The following ARHGAP4 variants were observed in gnomAD, a reference collection of about 807,000 sequenced individuals.
The protein encoded by ARHGAP4 is Rho GTPase activating protein 4.
Under a neutral mutation model 67.6 loss-of-function variants are expected in ARHGAP4, and 25 were observed. The ratio of observed to expected loss-of-function variants is 0.37; its 90% CI spans 0.27 to 0.52. The LOEUF is 0.52. Among genes scored for constraint, ARHGAP4 ranks in the 20% least tolerant of loss-of-function variants. The probability of loss-of-function intolerance (pLI) is 0.92; values close to 1 mark genes in which losing one functional copy is unlikely to be tolerated. For missense variants in ARHGAP4, 804 were observed against 854.6 expected (o/e 0.94, Z 0.74); for synonymous variants, 448 against 373.7 (o/e 1.20, Z -2.29).
intron 19 of ARHGAP4, 59 bp from the exon 20 acceptor site, chrX:153,909,594 C>T: frequency 9.9e-7 from 1 of 1,012,194 alleles, no homozygotes; most frequent in African/African-American, 4.0e-5. Flanking sequence ...GGTCCAGGGC[C>T]AGCAGCTCCG....
chrX:153,913,655 G>A (rs1466287293), intron 8 of ARHGAP4, 55 bp from the exon 9 acceptor site: 2 of 1,174,512 alleles, frequency 1.7e-6, no homozygotes, highest in South Asian at 1.9e-5. Flanking sequence ...GAGGGAGACA[G>A]GAAGTCCAAG....
intron 1 of ARHGAP4, among the ~76,000 whole-genome samples, chrX:153,923,458 G>A (rs1460818819): frequency 5.4e-5 from 6 of 111,723 alleles, no homozygotes; most frequent in Non-Finnish European, 9.4e-5. Flanking sequence ...GGCTGCATGC[G>A]TCACCCATCC....
At position 153,926,206 on chromosome X, in the gene ARHGAP4, G is replaced by A; in HGVS notation, c.-4C>T. On this transcript the variant is annotated 5_prime_UTR_variant, in exon 1 of 22. Coordinates refer to ENST00000350060, the MANE Select transcript of ARHGAP4 (RefSeq NM_001666.5). Reference sequence around the variant, plus strand: ...GCAGCTTCCCGTGAGCGGCCATGGCGGCCTCGCGGCCGCGCCGTCGAACCC... The same window carrying A: ...GCAGCTTCCCGTGAGCGGCCATGGCAGCCTCGCGGCCGCGCCGTCGAACCC... The A allele has an allele frequency of 8.4e-7, 1 of 1,191,752 alleles. No homozygotes were observed. The highest frequency in any genetic ancestry group is 1.8e-5 in the South Asian group (1 of 55,479).
In ARHGAP4 at chrX:153,907,530, G is replaced by A. The variant is rs1316322524; in HGVS notation, c.*199C>T. The A allele has an allele frequency of 7.8e-6, 3 of 383,634 alleles. No individual in the cohort carries two copies. Among genetic ancestry groups the A allele is most frequent in the Non-Finnish European group, 1.3e-5 (3 of 224,283 alleles). 31.6% of individuals were successfully genotyped at this position (383,634 alleles called of 1,213,427 possible). A position where few individuals can be genotyped will look rare whatever the true frequency, so the allele number is the denominator to read the frequency against. On this transcript the variant is annotated 3_prime_UTR_variant, in exon 22 of 22. Transcript: ENST00000350060. ...TCCTTCCTCAGCTGCCTCCAAAAGG[G>A]GCCTGGGCCAGGGCTGAGGGGCAGG...
At position 153,907,787 on chromosome X, in the gene ARHGAP4, G is replaced by GGGGCCCCA. The variant is rs782446241; in HGVS notation, c.2775_2782dup (p.Pro928LeufsTer15). On this transcript the variant is annotated frameshift_variant, in exon 22 of 22. Transcript: ENST00000350060. LOFTEE classifies it high-confidence loss of function. ...GGGGTGGGAAGCTGAGGGTGAGGCT[G>GGGGCCCCA]GGGCCCCAGGGCCCCGGGAGAAGCC... The GGGGCCCCA allele has an allele frequency of 1.3e-5, 13 of 1,010,347 alleles. No homozygotes were observed. Among genetic ancestry groups the GGGGCCCCA allele is most frequent in the Non-Finnish European group, 1.6e-5 (13 of 788,679 alleles). The allele number at this position is 1,010,347 out of a possible 1,213,427, so 83.3% of individuals were successfully genotyped here.
chrX:153,922,027 C>T (rs906391334), intron 1 of ARHGAP4: 20 of 922,564 alleles, frequency 2.2e-5, no homozygotes, highest in Admixed American at 2.1e-4. Context: ...CCGACCTCTG[C>T]GCTGAGGCCA....
In ARHGAP4 at chrX:153,910,602, G is replaced by T; in HGVS notation, c.1826C>A (p.Ala609Asp). The T allele has an allele frequency of 8.3e-7, 1 of 1,206,535 alleles. No homozygotes were observed. Among genetic ancestry groups the T allele is most frequent in the Non-Finnish European group, 1.1e-6 (1 of 893,622 alleles). The change falls in exon 16 of 22, where the codon GCC (alanine) becomes GAC (aspartate). Residue 609 changes from alanine (A) to aspartate (D), a missense_variant. By Grantham distance (126) the Ala-to-Asp change is moderately radical. Coordinates refer to ENST00000350060, the MANE Select transcript of ARHGAP4 (RefSeq NM_001666.5). ...CACGTGCTCCACCCTCTCCGCTGTG[G>T]CCTCCAGCTCTGTGGCCAAAGCCGC... is the stretch of plus-strand genomic sequence containing the variant. ...GELLASSELE[A>D]TAERVEHVSR...
intron 1 of ARHGAP4, among the ~76,000 whole-genome samples, chrX:153,925,859 A>C (rs1239953967): frequency 2.7e-5 from 3 of 113,130 alleles, no homozygotes; most frequent in African/African-American, 9.6e-5. Context: ...AGCGGCCACC[A>C]GTGTCTCCAC....
In ARHGAP4 at chrX:153,909,938, G is replaced by A. The variant is rs1474231735; in HGVS notation, c.2231-14C>T. ...CCCCCTCCAGGTCTGGGGAGGAGAG[G>A]GGGTCCAAGCTGTGGGAGGGGGTGT... On this transcript the variant is annotated splice_polypyrimidine_tract_variant and intron_variant, in intron 18 of 21. Coordinates refer to ENST00000350060, the MANE Select transcript of ARHGAP4 (RefSeq NM_001666.5). 2 of 1,207,055 alleles carry A rather than the reference G, an allele frequency of 1.7e-6. No individual in the cohort carries two copies. Among genetic ancestry groups the A allele is most frequent in the East Asian group, 5.9e-5 (2 of 33,671 alleles).
chrX:153,919,147 G>C lies in ARHGAP4; in HGVS notation c.810+8C>G. On this transcript the variant is annotated splice_region_variant and intron_variant, in intron 6 of 21. Coordinates refer to ENST00000350060, the MANE Select transcript of ARHGAP4 (RefSeq NM_001666.5). ...GCACCTTTTCCCACCTGCCCACCAA[G>C]GACTCACGTCCATGAGGTCCAAGAC... 3 of 1,211,970 alleles carry C rather than the reference G, an allele frequency of 2.5e-6. No individual in the cohort carries two copies. Among genetic ancestry groups the C allele is most frequent in the Non-Finnish European group, 3.4e-6 (3 of 895,459 alleles).
intron 13 of ARHGAP4, 50 bp from the exon 14 acceptor site, chrX:153,911,049 T>C (rs973641523): frequency 1.7e-6 from 2 of 1,164,259 alleles, no homozygotes; most frequent in East Asian, 3.3e-5. Context: ...CCCCAGCCCC[T>C]CCAGGATGGC....
chrX:153,913,964 C>G, intron 7 of ARHGAP4, 85 bp from the exon 8 acceptor site: 1 of 872,010 alleles, frequency 1.1e-6, no homozygotes, highest in South Asian at 2.2e-5. Flanking sequence ...AAGCAAGCAC[C>G]CTTTTGTGGC....
In ARHGAP4 at chrX:153,911,246, CAATT is replaced by C. The variant is rs1319110822; in HGVS notation, c.1543-61_1543-58del. On this transcript the variant is annotated intron_variant, in intron 12 of 21. Coordinates refer to ENST00000350060, the MANE Select transcript of ARHGAP4 (RefSeq NM_001666.5). Reference sequence around the variant, plus strand: ...ACACAGCATGCCCTGTGTTGTCATTCAATTGCTTTTTTTTTTTTTTTTTTTTTTT... The same window carrying C: ...ACACAGCATGCCCTGTGTTGTCATTCGCTTTTTTTTTTTTTTTTTTTTTTT... The C allele has an allele frequency of 9.4e-5, 50 of 533,448 alleles. No homozygotes were observed. The East Asian group carries it at 2.1e-3, about 22-fold the overall frequency. 44.0% of individuals were successfully genotyped at this position (533,448 alleles called of 1,213,427 possible).
At chrX:153,923,164 G>A (rs1220583221) in intron 1 of ARHGAP4, among the ~76,000 whole-genome samples, 2 of 110,737 alleles carry the variant, frequency 1.8e-5, no homozygotes, top group East Asian at 2.9e-4. Context: ...GTCCAGCTTC[G>A]TTTTCAGGGC....
chrX:153,922,902 G>A (rs1224823474), intron 1 of ARHGAP4, among the ~76,000 whole-genome samples: 1 of 111,729 alleles, frequency 9.0e-6, no homozygotes, highest in Admixed American at 9.5e-5. Flanking sequence ...CAGGAGTGAT[G>A]GGTGCGGAGA....
At chrX:153,910,136 AC>A in intron 17 of ARHGAP4, 34 bp downstream of exon 17, 3 of 1,207,189 alleles carry the variant, frequency 2.5e-6, no homozygotes, top group Admixed American at 2.2e-5. Flanking sequence ...TCTCCAGTGG[AC>A]CCCCCAGTCC....
chrX:153,910,296 C>T lies in ARHGAP4; in HGVS notation c.2031G>A (p.Gln677=), dbSNP rs148797059. Reference sequence around the variant, plus strand: ...TCTGCACCAGCTGGTTCACCCGGCCCTGCAGCGCCACCGGGTCCTGCCCAG... The same window carrying T: ...TCTGCACCAGCTGGTTCACCCGGCCTTGCAGCGCCACCGGGTCCTGCCCAG... ...VPAGQDPVAL[Q]GRVNQLVQTL... Residue 677 remains glutamine (Q), a synonymous_variant, in exon 17 of 22, where the codon CAG becomes CAA. Transcript: ENST00000350060. 1.6e-3 allele frequency: 1,923 copies of T among 1,208,594 alleles called. 14 individuals are homozygous for T. The highest frequency in any genetic ancestry group is 6.2e-3 in the East Asian group (210 of 33,688).
Position 153,913,580 on chromosome X carries a change from C to T in ARHGAP4, c.1155G>A (p.Ala385=), listed in dbSNP as rs782627629. The T allele has an allele frequency of 2.4e-5, 29 of 1,208,248 alleles. No individual in the cohort carries two copies. Among genetic ancestry groups the T allele is most frequent in the South Asian group, 5.3e-5 (3 of 56,400 alleles). ...CCACCTCCAGCAGGGCCTGCAGTGTCGCCTTCAGAGTCTTGTTCACCTGCA... is the reference window on the plus strand; with the variant it reads ...CCACCTCCAGCAGGGCCTGCAGTGTTGCCTTCAGAGTCTTGTTCACCTGCA... ...ETEEVNKTLK[A]TLQALLEVVA... The change falls in exon 9 of 22, where the codon GCG becomes GCA. Residue 385 remains alanine, a synonymous_variant. Transcript: ENST00000350060.
chrX:153,919,294 C>T lies in ARHGAP4; in HGVS notation c.682-11G>A. 1.6e-6 allele frequency: 2 copies of T among 1,212,342 alleles called. No individual in the cohort carries two copies. Among genetic ancestry groups the T allele is most frequent in the Non-Finnish European group, 2.2e-6 (2 of 895,654 alleles). On this transcript the variant is annotated splice_polypyrimidine_tract_variant and intron_variant, in intron 5 of 21. Coordinates refer to ENST00000350060, the MANE Select transcript of ARHGAP4 (RefSeq NM_001666.5). ...GAACTTGGCCTGCCGCTACTCAAGACAATGCAAGCGTGCCAGGGTCACGCA... is the reference window on the plus strand; with the variant it reads ...GAACTTGGCCTGCCGCTACTCAAGATAATGCAAGCGTGCCAGGGTCACGCA...
Sources: allele counts gnomAD v4.1 joint callset (sites outside exome capture counted in the v4.1 genomes callset), GRCh38; gene constraint gnomAD v4.1.1; transcripts MANE v1.5; gene names NCBI Gene and HGNC (gene_info 2026-07-23, HGNC 2026-07-21).